Variants in ROCK1 observed in about 807,000 individuals in gnomAD.
The protein encoded by ROCK1 is Rho associated coiled-coil containing protein kinase 1.
In ROCK1, 36 loss-of-function variants were observed where a neutral mutation model predicts 196.8. The ratio of observed to expected loss-of-function variants is 0.18; its 90% CI spans 0.14 to 0.24. The LOEUF (loss-of-function observed/expected upper bound fraction) is 0.24, where lower values mean the gene tolerates loss of function less well. Ranked by LOEUF, ROCK1 falls within the 10% of genes least tolerant of loss-of-function variation. The pLI, the probability that ROCK1 is intolerant of heterozygous loss-of-function variation, is 1.00. For missense variants in ROCK1, 920 were observed against 1,562.0 expected, an observed-to-expected ratio of 0.59 and a Z score of 6.93; for synonymous variants, 443 against 515.9, an observed-to-expected ratio of 0.86 and a Z score of 1.91.
chr18:20,959,265 G>T (rs2035302778), intron 29 of ROCK1, among the ~76,000 whole-genome samples: 2 of 120,598 alleles, frequency 1.7e-5, no homozygotes, highest in Non-Finnish European at 1.7e-5. Flanking sequence ...AGGCTGGAGT[G>T]CAGTGGCGCA....
At chr18:21,082,708 C>T (rs1299150323) in intron 1 of ROCK1, among the ~76,000 whole-genome samples, 1 of 152,164 alleles carries the variant, frequency 6.6e-6, no homozygotes, top group East Asian at 1.9e-4. Context: ...ATATGAAAAT[C>T]CCACAGCTAA....
chr18:21,076,028 C>A (rs1470522788), intron 1 of ROCK1, among the ~76,000 whole-genome samples: 2 of 149,502 alleles, frequency 1.3e-5, no homozygotes, highest in Non-Finnish European at 3.0e-5. Flanking sequence ...AGAAGAAAGA[C>A]AGAATAGTAC....
At chr18:21,005,837 G>A (rs530190380) in intron 16 of ROCK1, among the ~76,000 whole-genome samples, 8 of 152,108 alleles carry the variant, frequency 5.3e-5, no homozygotes, top group East Asian at 3.9e-4. Flanking sequence ...TGATCATGCC[G>A]CTGCACTCCA....
chr18:21,108,661 A>G (rs1291049408), intron 1 of ROCK1, among the ~76,000 whole-genome samples: 1 of 152,128 alleles, frequency 6.6e-6, no homozygotes, highest in Non-Finnish European at 1.5e-5. Context: ...TTCCCTGCCA[A>G]TAAAGTTCCA....
chr18:21,008,304 C>T, intron 13 of ROCK1, 110 bp from the exon 14 acceptor site: 3 of 765,262 alleles, frequency 3.9e-6, no homozygotes, highest in Non-Finnish European at 4.0e-6. Flanking sequence ...AAGACAAACA[C>T]TTAAGATGAA....
intron 16 of ROCK1, among the ~76,000 whole-genome samples, chr18:20,996,777 GT>G (rs928091258): frequency 3.3e-5 from 5 of 152,178 alleles, no homozygotes; most frequent in African/African-American, 9.7e-5. Context: ...GCAACGAAAA[GT>G]TAAGATGCAG....
chr18:20,988,325 C>T (rs1283146315), intron 18 of ROCK1, among the ~76,000 whole-genome samples: 1 of 152,068 alleles, frequency 6.6e-6, no homozygotes, highest in Non-Finnish European at 1.5e-5. Flanking sequence ...GCCTTGCCCT[C>T]CCAAAGTGCT....
intron 13 of ROCK1, among the ~76,000 whole-genome samples, chr18:21,013,993 G>A (rs1032994489): frequency 1.3e-5 from 2 of 151,380 alleles, no homozygotes; most frequent in African/African-American, 4.9e-5. Flanking sequence ...GTGAACCCGG[G>A]AGGCGGAGCT....
rs753362028 is a variant in ROCK1 at position 21,042,524 on chromosome 18, GAAC to G, written c.820+38_820+40del. On this transcript the variant is annotated intron_variant, in intron 7 of 32. Transcript: ENST00000399799. The stretch of plus-strand genomic sequence containing the variant: ...AGAGCCAAGTGGCAAGTTTTGAGAT[GAAC>G]AACTGTAATAGAGAGACATAAAATC... 3.2e-5 allele frequency: 50 copies of G among 1,584,264 alleles called. No individual in the cohort carries two copies. The South Asian group carries it at 4.5e-4, about 14-fold the overall frequency.
intron 13 of ROCK1, among the ~76,000 whole-genome samples, chr18:21,015,018 T>C (rs1437936433): frequency 6.6e-6 from 1 of 152,206 alleles, no homozygotes; most frequent in East Asian, 1.9e-4. Context: ...ATCAATATAT[T>C]TTCCATTTGA....
chr18:20,967,298 G>GT (rs1247555975), intron 26 of ROCK1, among the ~76,000 whole-genome samples: 2 of 151,988 alleles, frequency 1.3e-5, no homozygotes, highest in African/African-American at 2.4e-5. Flanking sequence ...AAGAGTTTTT[G>GT]TTTTTGTTTT....
intron 1 of ROCK1, among the ~76,000 whole-genome samples, chr18:21,086,402 G>A (rs1182405713): frequency 3.3e-5 from 5 of 152,110 alleles, no homozygotes; most frequent in Admixed American, 6.5e-5. Flanking sequence ...GTGAGCCACC[G>A]CGCCCAGCCT....
chr18:21,008,978 C>T (rs919299349), intron 13 of ROCK1, among the ~76,000 whole-genome samples: 9 of 151,958 alleles, frequency 5.9e-5, no homozygotes, highest in Non-Finnish European at 1.2e-4. Flanking sequence ...ATGTAAGCAC[C>T]ACCACAACGA....
intron 22 of ROCK1, among the ~76,000 whole-genome samples, chr18:20,972,205 G>A (rs1184331167): frequency 2.0e-5 from 3 of 152,242 alleles, no homozygotes; most frequent in East Asian, 1.9e-4. Context: ...AAATTTGTTG[G>A]TGGACTGCAT....
chr18:21,107,973 C>T (rs1353326658), intron 1 of ROCK1, among the ~76,000 whole-genome samples: 1 of 151,836 alleles, frequency 6.6e-6, no homozygotes, highest in Admixed American at 6.6e-5. Flanking sequence ...GAGAATCACT[C>T]GAACCCAGGA....
chr18:21,002,504 G>A (rs2035733493), intron 16 of ROCK1, among the ~76,000 whole-genome samples: 1 of 152,072 alleles, frequency 6.6e-6, no homozygotes. Context: ...AACTGACAAA[G>A]AATTAAGTAT....
At chr18:21,090,158 T>C (rs1845142505) in intron 1 of ROCK1, among the ~76,000 whole-genome samples, 1 of 152,262 alleles carries the variant, frequency 6.6e-6, no homozygotes, top group South Asian at 2.1e-4. Context: ...TAGAAAATAC[T>C]GGTTCCTTGA....
intron 2 of ROCK1, among the ~76,000 whole-genome samples, chr18:21,057,851 A>G: frequency 6.6e-6 from 1 of 152,156 alleles, no homozygotes; most frequent in East Asian, 1.9e-4. Context: ...TTAAAAATAA[A>G]TAAAAATCAA....
Position 20,970,422 on chromosome 18 carries a change from A to T in ROCK1, c.2746T>A (p.Leu916Met). ...GCAGCTTTCTTGCTTTCTTGCGTCA[A>T]TTCAAAATACTGTTCTTCCAGAAGG... ...RGLLEEQYFE[L>M]TQESKKAASR... Residue 916 changes from leucine (L) to methionine (M), a missense_variant, in exon 23 of 33, where the codon TTG (leucine) becomes ATG (methionine). Physicochemically the swap from Leu to Met is conservative, Grantham distance 15. Coordinates refer to ENST00000399799, the MANE Select transcript of ROCK1 (RefSeq NM_005406.3). 1 of 1,613,986 alleles carries T rather than the reference A, an allele frequency of 6.2e-7. No homozygotes were observed. Among genetic ancestry groups the T allele is most frequent in the Non-Finnish European group, 8.5e-7 (1 of 1,179,904 alleles).
Sources: gnomAD v4.1 joint callset for allele counts (sites outside exome capture counted in the v4.1 genomes callset) on GRCh38, gnomAD v4.1.1 for gene constraint, MANE v1.5 for transcripts, NCBI Gene and HGNC (gene_info 2026-07-23, HGNC 2026-07-21) for gene names.